The following CSMD1 variants were observed in gnomAD, a reference collection of about 807,000 sequenced individuals.
The protein encoded by CSMD1 is CUB and sushi domain-containing protein 1.
A neutral mutation model predicts 417.5 loss-of-function variants in CSMD1; 213 were observed. The ratio of observed to expected loss-of-function variants is 0.51; its 90% CI spans 0.46 to 0.57. The LOEUF (loss-of-function observed/expected upper bound fraction) is 0.57. Ranked by LOEUF, CSMD1 falls within the 20% of genes least tolerant of loss-of-function variation. The pLI, the probability that CSMD1 is intolerant of heterozygous loss-of-function variation, is 0.00. For synonymous variants in CSMD1, 2,862 were observed against 1,736.8 expected, an observed-to-expected ratio of 1.65 and a Z score of -16.11; for missense variants, 6,923 against 4,529.7, an observed-to-expected ratio of 1.53 and a Z score of -15.17.
At chr8:3,061,158 G>C (rs544278728) in intron 49 of CSMD1, among the ~76,000 whole-genome samples, 1 of 152,172 alleles carries the variant, frequency 6.6e-6, no homozygotes, top group Admixed American at 6.5e-5. Flanking sequence ...CTCGGACAAT[G>C]TATATAAAGT....
At chr8:3,109,514 C>T (rs1585373049) in intron 43 of CSMD1, among the ~76,000 whole-genome samples, 1 of 152,160 alleles carries the variant, frequency 6.6e-6, no homozygotes, top group African/African-American at 2.4e-5. Flanking sequence ...AGCCAGTCTC[C>T]TTTCTTGCCC....
intron 2 of CSMD1, among the ~76,000 whole-genome samples, chr8:4,487,114 C>T (rs1368016307): frequency 6.6e-6 from 1 of 152,028 alleles, no homozygotes; most frequent in Non-Finnish European, 1.5e-5. Context: ...AGGAAGAATA[C>T]CAGATCATAT....
At chr8:4,455,617 C>G (rs1048203640) in intron 2 of CSMD1, among the ~76,000 whole-genome samples, 6 of 151,826 alleles carry the variant, frequency 4.0e-5, no homozygotes, top group African/African-American at 9.7e-5. Flanking sequence ...CTTATTTTCT[C>G]TTTCAGGAGG....
At chr8:3,049,680 A>G (rs1418027185) in intron 50 of CSMD1, among the ~76,000 whole-genome samples, 5 of 152,112 alleles carry the variant, frequency 3.3e-5, no homozygotes, top group South Asian at 4.1e-4. Context: ...GTGTGATACT[A>G]TCATGGTGGA....
intron 3 of CSMD1, among the ~76,000 whole-genome samples, chr8:4,297,179 C>A (rs192136401): frequency 6.6e-6 from 1 of 151,972 alleles, no homozygotes; most frequent in African/African-American, 2.4e-5. Context: ...TATACTTTTA[C>A]AATCTAGAAA....
chr8:4,169,448 T>C (rs1797641814), intron 3 of CSMD1, among the ~76,000 whole-genome samples: 1 of 152,138 alleles, frequency 6.6e-6, no homozygotes, highest in Non-Finnish European at 1.5e-5. Context: ...TTCAGCTAGT[T>C]TTCTTCAACA....
At chr8:3,840,926 C>T (rs145723667) in intron 5 of CSMD1, among the ~76,000 whole-genome samples, 203 of 152,014 alleles carry the variant, frequency 1.3e-3, no homozygotes, top group African/African-American at 4.0e-3. Flanking sequence ...AGGCTGGTCT[C>T]GAACTCCTGA....
At chr8:3,440,467 A>G (rs1416138452) in intron 12 of CSMD1, among the ~76,000 whole-genome samples, 1 of 152,216 alleles carries the variant, frequency 6.6e-6, no homozygotes, top group Non-Finnish European at 1.5e-5. Flanking sequence ...ATATAGAAAT[A>G]CAGTAGATTT....
At chr8:4,955,406 T>C (rs1809026862) in intron 1 of CSMD1, among the ~76,000 whole-genome samples, 1 of 152,036 alleles carries the variant, frequency 6.6e-6, no homozygotes, top group Non-Finnish European at 1.5e-5. Context: ...TATTGATGCC[T>C]ACTGTGTCTG....
At chr8:4,166,206 T>C (rs989316810) in intron 3 of CSMD1, among the ~76,000 whole-genome samples, 9 of 152,196 alleles carry the variant, frequency 5.9e-5, no homozygotes, top group Non-Finnish European at 4.4e-5. Flanking sequence ...GTCAGTTTTA[T>C]GACATATTTC....
intron 3 of CSMD1, among the ~76,000 whole-genome samples, chr8:4,118,861 G>C (rs1190480164): frequency 2.0e-5 from 3 of 152,184 alleles, no homozygotes; most frequent in Non-Finnish European, 4.4e-5. Context: ...AACAATGTTA[G>C]ACTGGATAAA....
At chr8:3,381,326 A>G (rs991745265) in intron 18 of CSMD1, among the ~76,000 whole-genome samples, 22 of 152,154 alleles carry the variant, frequency 1.4e-4, no homozygotes, top group Non-Finnish European at 2.8e-4. Flanking sequence ...ATTTTTGTCT[A>G]TAGTCCAAAT....
At chr8:3,889,528 T>C (rs1432925901) in intron 5 of CSMD1, among the ~76,000 whole-genome samples, 1 of 123,026 alleles carries the variant, frequency 8.1e-6, no homozygotes, top group African/African-American at 2.7e-5. Context: ...TATACATATA[T>C]ATACATACAC....
At chr8:4,100,471 A>T (rs1160557510) in intron 3 of CSMD1, among the ~76,000 whole-genome samples, 2 of 152,198 alleles carry the variant, frequency 1.3e-5, no homozygotes, top group Non-Finnish European at 2.9e-5. Flanking sequence ...AATGTTGCTT[A>T]ACTTTTCTAA....
At chr8:3,175,149 C>G (rs996225562) in intron 37 of CSMD1, among the ~76,000 whole-genome samples, 1 of 151,872 alleles carries the variant, frequency 6.6e-6, no homozygotes, top group African/African-American at 2.4e-5. Flanking sequence ...TAGTTTATAA[C>G]GATAAAATCA....
intron 3 of CSMD1, among the ~76,000 whole-genome samples, chr8:4,338,680 C>G (rs1332474574): frequency 2.0e-5 from 3 of 152,016 alleles, no homozygotes; most frequent in African/African-American, 4.8e-5. Flanking sequence ...AAATAGAAGC[C>G]ACAATTCCAT....
At chr8:4,987,713 G>C (rs1811254269) in intron 1 of CSMD1, among the ~76,000 whole-genome samples, 2 of 152,188 alleles carry the variant, frequency 1.3e-5, no homozygotes, top group South Asian at 4.1e-4. Flanking sequence ...TAACATTTGA[G>C]TCAACGGACT....
At chr8:3,575,554 T>G (rs1800116485) in intron 9 of CSMD1, among the ~76,000 whole-genome samples, 1 of 152,182 alleles carries the variant, frequency 6.6e-6, no homozygotes, top group Admixed American at 6.5e-5. Flanking sequence ...AATTGTGTCT[T>G]TTCAACTTTA....
intron 3 of CSMD1, among the ~76,000 whole-genome samples, chr8:4,152,602 A>C (rs1434335335): frequency 6.6e-6 from 1 of 152,056 alleles, no homozygotes; most frequent in Non-Finnish European, 1.5e-5. Flanking sequence ...AAGTGGGAAG[A>C]TCGTTTGAGC....
Sources: gnomAD v4.1 joint callset for allele counts (sites outside exome capture counted in the v4.1 genomes callset) on GRCh38, gnomAD v4.1.1 for gene constraint, MANE v1.5 for transcripts, NCBI Gene and HGNC (gene_info 2026-07-23, HGNC 2026-07-21) for gene names.